Variants in DERL2 observed in about 807,000 individuals in gnomAD.
DERL2 encodes the protein derlin 2.
DERL2 carries 13 observed loss-of-function variants against 32.0 expected under a neutral mutation model. That is an observed-to-expected ratio of 0.41 (90% CI 0.26 to 0.65). The LOEUF (loss-of-function observed/expected upper bound fraction) is 0.65, where lower values mean the gene tolerates loss of function less well. DERL2 is among the 30% of genes least tolerant of loss of function. The probability of loss-of-function intolerance (pLI) is 0.35; values close to 1 mark genes in which losing one functional copy is unlikely to be tolerated. For missense variants in DERL2, 208 were observed against 296.3 expected (o/e 0.70, Z 2.19); for synonymous variants, 111 against 104.7 (o/e 1.06, Z -0.37).
chr17:5,474,872 G>C lies in DERL2; in HGVS notation c.615-83C>G, dbSNP rs1259895713. 3.2e-6 allele frequency: 3 copies of C among 934,804 alleles called. No individual in the cohort carries two copies. Among genetic ancestry groups the C allele is most frequent in the Non-Finnish European group, 4.9e-6 (3 of 618,336 alleles). The allele number at this position is 934,804 out of a possible 1,614,324, so 57.9% of individuals were successfully genotyped here. A position where few individuals can be genotyped will look rare whatever the true frequency, so the allele number is the denominator to read the frequency against. On this transcript the variant is annotated intron_variant, in intron 6 of 6. Transcript: ENST00000158771. This position sits in a 1 kb window ranked among gnomAD's most constrained non-coding sequence, Gnocchi z 4.3. Reference sequence around the variant, plus strand: ...TACAAGGTCAGTTCAGGCCCCATAGGGTTTCCACCAATAGGTAAGCATTAC... The same window carrying C: ...TACAAGGTCAGTTCAGGCCCCATAGCGTTTCCACCAATAGGTAAGCATTAC...
chr17:5,480,125 T>C lies in DERL2; in HGVS notation c.543A>G (p.Ile181Met). ...VDLLGIAVGH[I>M]YFFLEDVFPN... Reference sequence around the variant, plus strand: ...GAAATACATCTTCCAAGAAAAAATATATGTGTCCAACTGCAATACCTAGAG... The same window carrying C: ...GAAATACATCTTCCAAGAAAAAATACATGTGTCCAACTGCAATACCTAGAG... Residue 181 changes from isoleucine (I) to methionine (M), a missense_variant, in exon 6 of 7, where the codon ATA becomes ATG. Physicochemically the swap from Ile to Met is conservative, Grantham distance 10 (BLOSUM62 1). Coordinates refer to ENST00000158771, the MANE Select transcript of DERL2 (RefSeq NM_016041.5). The C allele has an allele frequency of 6.2e-7, 1 of 1,608,072 alleles. No individual in the cohort carries two copies. Among genetic ancestry groups the C allele is most frequent in the Non-Finnish European group, 8.5e-7 (1 of 1,175,102 alleles).
Position 5,473,634 on chromosome 17 carries a change from ACAAAAC to A in DERL2, c.*1044_*1049del. 7.4e-6 allele frequency: 1 copy of A among 135,550 alleles called. No homozygotes were observed. The highest frequency in any genetic ancestry group is 2.5e-4 in the South Asian group (1 of 4,002). The allele number at this position is 135,550 out of a possible 1,614,324, so 8.4% of individuals were successfully genotyped here. On this transcript the variant is annotated 3_prime_UTR_variant, in exon 7 of 7. Coordinates refer to ENST00000158771, the MANE Select transcript of DERL2 (RefSeq NM_016041.5). Reference sequence around the variant, plus strand: ...TTTTTTTTAATTAAAAAAACAAAAAACAAAACAAAACAAAAAAGGCAAAAAAAAAAA... The same window carrying A: ...TTTTTTTTAATTAAAAAAACAAAAAAAAAACAAAAAAGGCAAAAAAAAAAA...
rs1905244591 is a variant in DERL2 at position 5,474,062 on chromosome 17, C to T, written c.*622G>A. On this transcript the variant is annotated 3_prime_UTR_variant, in exon 7 of 7. Transcript: ENST00000158771. The surrounding 1 kb of genome is among the most constrained non-coding windows in gnomAD (Gnocchi z 4.3). Reference sequence around the variant, plus strand: ...AAAACCCAGATGCAAAACAACCTATCCAGATGACAGAAATAAATCATCTTC... The same window carrying T: ...AAAACCCAGATGCAAAACAACCTATTCAGATGACAGAAATAAATCATCTTC... 1.3e-5 allele frequency: 2 copies of T among 152,158 alleles called. No individual in the cohort carries two copies. The highest frequency in any genetic ancestry group is 4.8e-5 in the African/African-American group (2 of 41,436). 9.4% of individuals were successfully genotyped at this position (152,158 alleles called of 1,614,324 possible).
upstream of DERL2, chr17:5,486,655 C>G (rs1236085108): frequency 6.5e-6 from 1 of 153,618 alleles, no homozygotes; most frequent in South Asian, 1.8e-4. Flanking sequence ...CCTGTGTGTG[C>G]TTCAAATCGT....
intron 6 of DERL2, among the ~76,000 whole-genome samples, chr17:5,476,736 G>A (rs902756366): frequency 6.6e-6 from 1 of 152,160 alleles, no homozygotes; most frequent in Admixed American, 6.5e-5. Flanking sequence ...AGCCGAGATT[G>A]AGCCACTGCA....
rs1905249706 is a variant in DERL2 at position 5,474,170 on chromosome 17, C to T, written c.*514G>A. 6.6e-6 allele frequency: 1 copy of T among 152,194 alleles called. No individual in the cohort carries two copies. The highest frequency in any genetic ancestry group is 2.4e-5 in the African/African-American group (1 of 41,424). 9.4% of individuals were successfully genotyped at this position (152,194 alleles called of 1,614,324 possible). On this transcript the variant is annotated 3_prime_UTR_variant, in exon 7 of 7. Coordinates refer to ENST00000158771, the MANE Select transcript of DERL2 (RefSeq NM_016041.5). The surrounding 1 kb of genome is among the most constrained non-coding windows in gnomAD (Gnocchi z 4.3). ...CGTATTTCCAATCCTGAAATGAAAT[C>T]CAGTTAAAAGTTGTGAAGACACAGG...
upstream of DERL2, chr17:5,486,183 C>CCCCCCCCCCCCCCCCCCCCT: frequency 1.9e-6 from 2 of 1,044,542 alleles, no homozygotes; most frequent in Non-Finnish European, 2.6e-6. Context: ...TCGCCTGCCC[C>CCCCCCCCCCCCCCCCCCCCT]ACCCCCCACC....
chr17:5,479,413 A>C (rs1905610067), intron 6 of DERL2, among the ~76,000 whole-genome samples: 2 of 150,354 alleles, frequency 1.3e-5, no homozygotes, highest in African/African-American at 2.4e-5. Context: ...TCTCCCAAGG[A>C]TACCAAATTC....
chr17:5,485,069 T>G (rs980930971), intron 2 of DERL2, 82 bp downstream of exon 2: 20 of 973,444 alleles, frequency 2.1e-5, no homozygotes, highest in Non-Finnish European at 3.0e-5. Flanking sequence ...TTTTTTAGGA[T>G]AGTGTATAAC....
chr17:5,482,695 C>T, intron 3 of DERL2, 114 bp downstream of exon 3: 1 of 645,852 alleles, frequency 1.5e-6, no homozygotes, highest in Non-Finnish European at 2.7e-6. Flanking sequence ...ACCACTGACC[C>T]AGAAATCATA....
upstream of DERL2, chr17:5,486,483 T>G: frequency 1.3e-5 from 3 of 235,310 alleles, no homozygotes; most frequent in Non-Finnish European, 2.5e-5. Flanking sequence ...CCCGGCCCCT[T>G]TCTGTCATAA....
chr17:5,477,189 T>C (rs1288240443), intron 6 of DERL2, among the ~76,000 whole-genome samples: 1 of 152,122 alleles, frequency 6.6e-6, no homozygotes, highest in Non-Finnish European at 1.5e-5. Context: ...AAATTACCAA[T>C]AAATACAAGA....
At position 5,481,067 on chromosome 17, in the gene DERL2, AATGAT is replaced by A. The variant is rs1305351594; in HGVS notation, c.327+224_327+228del. 1.7e-6 allele frequency: 1 copy of A among 581,354 alleles called. No individual in the cohort carries two copies. Among genetic ancestry groups the A allele is most frequent in the East Asian group, 2.9e-5 (1 of 34,392 alleles). The allele number at this position is 581,354 out of a possible 1,614,324, so 36.0% of individuals were successfully genotyped here. A position where few individuals can be genotyped will look rare whatever the true frequency, so the allele number is the denominator to read the frequency against. On this transcript the variant is annotated intron_variant, in intron 4 of 6. Transcript: ENST00000158771. The surrounding 1 kb of genome is among the most constrained non-coding windows in gnomAD (Gnocchi z 4.4). The stretch of plus-strand genomic sequence containing the variant: ...TTAAAAGTGAAGTACGCCAAGCAGT[AATGAT>A]ATAACTGAGTTGCTTAACAGTAACC...
rs531737503 is a variant in DERL2, at chr17:5,482,887, T to TA, written c.160-6dup. 1,332 of 1,415,792 alleles carry TA rather than the reference T, an allele frequency of 9.4e-4. 4 individuals carry two copies. The highest frequency in any genetic ancestry group is 6.2e-3 in the African/African-American group (423 of 68,732). 87.7% of individuals were successfully genotyped at this position (1,415,792 alleles called of 1,614,324 possible). A position where few individuals can be genotyped will look rare whatever the true frequency, so the allele number is the denominator to read the frequency against. On this transcript the variant is annotated splice_region_variant and splice_polypyrimidine_tract_variant and intron_variant, in intron 2 of 6. Coordinates refer to ENST00000158771, the MANE Select transcript of DERL2 (RefSeq NM_016041.5). ...GTTGGTGATTAATCTCCATATCTGT[T>TA]AAAAAAAAATCAAGAGAAAGATGTA... is the stretch of plus-strand genomic sequence containing the variant.
rs1371054375 is a variant in DERL2 at position 5,472,462 on chromosome 17, G to A, written c.*2222C>T. On this transcript the variant is annotated 3_prime_UTR_variant, in exon 7 of 7. Coordinates refer to ENST00000158771, the MANE Select transcript of DERL2 (RefSeq NM_016041.5). ...AGGGCTGGCCAAACTGATGAGAGGTGATTGAAATTACCACTGCTCAGGACA... is the reference window on the plus strand; with the variant it reads ...AGGGCTGGCCAAACTGATGAGAGGTAATTGAAATTACCACTGCTCAGGACA... 1 of 152,182 alleles carries A rather than the reference G, an allele frequency of 6.6e-6. No individual in the cohort carries two copies. Among genetic ancestry groups the A allele is most frequent in the Non-Finnish European group, 1.5e-5 (1 of 68,050 alleles). 9.4% of individuals were successfully genotyped at this position (152,182 alleles called of 1,614,324 possible).
At position 5,480,035 on chromosome 17, in the gene DERL2, C is replaced by G. The variant is rs751557680; in HGVS notation, c.614+19G>C. 6.7e-7 allele frequency: 1 copy of G among 1,503,100 alleles called. No individual in the cohort carries two copies. Among genetic ancestry groups the G allele is most frequent in the South Asian group, 1.1e-5 (1 of 87,904 alleles). 93.1% of individuals were successfully genotyped at this position (1,503,100 alleles called of 1,614,324 possible). A position where few individuals can be genotyped will look rare whatever the true frequency, so the allele number is the denominator to read the frequency against. On this transcript the variant is annotated intron_variant, in intron 6 of 6. Coordinates refer to ENST00000158771, the MANE Select transcript of DERL2 (RefSeq NM_016041.5). ...CTGGTTTGCCTGTAAGAGTATGTAACCTGGTGTTAAATACTCACAAAATAG... is the reference window on the plus strand; with the variant it reads ...CTGGTTTGCCTGTAAGAGTATGTAAGCTGGTGTTAAATACTCACAAAATAG...
chr17:5,478,564 A>C (rs1597372000), intron 6 of DERL2, among the ~76,000 whole-genome samples: 1 of 152,230 alleles, frequency 6.6e-6, no homozygotes, highest in East Asian at 1.9e-4. Context: ...TCCATTCTGG[A>C]AGGCGTTTGG....
rs1555537096 is a variant in DERL2, at chr17:5,481,580, A to AT, written c.234-192dup. On this transcript the variant is annotated intron_variant, in intron 3 of 6. Coordinates refer to ENST00000158771, the MANE Select transcript of DERL2 (RefSeq NM_016041.5). The surrounding 1 kb of genome is among the most constrained non-coding windows in gnomAD (Gnocchi z 4.4). ...TTGAGAAAAGGTCAAGACCAGCATC[A>AT]TTTTTTACAAACTGTCCCTGGCTGG... Among the ~76,000 whole-genome samples, 1 of 151,962 alleles carries AT rather than the reference A, an allele frequency of 6.6e-6. No individual in the cohort carries two copies. The highest frequency in any genetic ancestry group is 2.4e-5 in the African/African-American group (1 of 41,366).
At chr17:5,479,051 T>G (rs1420625569) in intron 6 of DERL2, among the ~76,000 whole-genome samples, 2 of 151,954 alleles carry the variant, frequency 1.3e-5, no homozygotes, top group South Asian at 4.2e-4. Context: ...AACTCCTGAG[T>G]TCAAGTGATC....
Sources: allele counts gnomAD v4.1 joint callset (sites outside exome capture counted in the v4.1 genomes callset), GRCh38; gene constraint gnomAD v4.1.1; non-coding constraint Gnocchi (gnomAD v3.1); transcripts MANE v1.5; gene names NCBI Gene and HGNC (gene_info 2026-07-23, HGNC 2026-07-21).